Variants in DPP10 observed in about 807,000 individuals in gnomAD.
DPP10 encodes inactive dipeptidyl peptidase 10.
In DPP10, 33 loss-of-function variants were observed where a neutral mutation model predicts 120.9. That is an observed-to-expected ratio of 0.27 (90% CI 0.21 to 0.37). The LOEUF is 0.37. DPP10 is among the 10% of genes least tolerant of loss of function. The pLI is 1.00. For synonymous variants in DPP10, 337 were observed against 326.1 expected, an observed-to-expected ratio of 1.03 and a Z score of -0.36; for missense variants, 816 against 942.8, an observed-to-expected ratio of 0.87 and a Z score of 1.76.
intron 1 of DPP10, among the ~76,000 whole-genome samples, chr2:114,604,215 A>C (rs1449596180): frequency 6.6e-6 from 1 of 152,000 alleles, no homozygotes; most frequent in Non-Finnish European, 1.5e-5. Flanking sequence ...GGTTTGCATA[A>C]ACAGGCAAGG....
At chr2:115,381,425 TGTATTG>T (rs1176822192) in intron 3 of DPP10, among the ~76,000 whole-genome samples, 3 of 152,230 alleles carry the variant, frequency 2.0e-5, no homozygotes, top group Admixed American at 2.0e-4. Flanking sequence ...AGCACTTCTC[TGTATTG>T]GTTATTCTAG....
At chr2:114,661,729 G>A (rs1697419092) in intron 1 of DPP10, among the ~76,000 whole-genome samples, 2 of 152,132 alleles carry the variant, frequency 1.3e-5, no homozygotes, top group African/African-American at 4.8e-5. Context: ...CATTTATAAC[G>A]CACTGTAGAC....
Position 114,801,190 on chromosome 2 carries a change from G to A in DPP10, c.60+358352G>A, listed in dbSNP as rs528164033. ...AGGCAGGAGAATGGCGTGAACCCAG[G>A]AGGCAGAGATTGCGGTGAGCCGAGA... On this transcript the variant is annotated intron_variant, in intron 1 of 25. Transcript: ENST00000410059. Among the ~76,000 whole-genome samples, 211 of 150,306 alleles carry A rather than the reference G, an allele frequency of 1.4e-3. 1 individual carries two copies. Among genetic ancestry groups the A allele is most frequent in the Non-Finnish European group, 2.5e-3 (169 of 67,774 alleles).
At chr2:115,163,834 GAAGCA>G (rs1280175033) in intron 1 of DPP10, among the ~76,000 whole-genome samples, 1 of 151,936 alleles carries the variant, frequency 6.6e-6, no homozygotes, top group Non-Finnish European at 1.5e-5. Flanking sequence ...GTGGGATGCA[GAAGCA>G]GAGCAGAGCA....
rs559196286 is a variant in DPP10 at position 114,557,799 on chromosome 2, A to G, written c.60+114961A>G. Reference sequence around the variant, plus strand: ...AGTGTGGGTAATTTTCAAGTAATTGATGTATTTGGGGCTCATGTAGGCCAC... The same window carrying G: ...AGTGTGGGTAATTTTCAAGTAATTGGTGTATTTGGGGCTCATGTAGGCCAC... On this transcript the variant is annotated intron_variant, in intron 1 of 25. Coordinates refer to ENST00000410059, the MANE Select transcript of DPP10 (RefSeq NM_020868.6). Among the ~76,000 whole-genome samples, 22 of 152,314 alleles carry G rather than the reference A, an allele frequency of 1.4e-4. No individual in the cohort carries two copies. In the East Asian group the frequency reaches 4.1e-3, roughly 28 times the overall value.
At chr2:114,886,033 C>T (rs1692039558) in intron 1 of DPP10, among the ~76,000 whole-genome samples, 1 of 152,126 alleles carries the variant, frequency 6.6e-6, no homozygotes, top group African/African-American at 2.4e-5. Flanking sequence ...GTTTATGAGA[C>T]TGTTATTTCC....
chr2:114,512,095 T>TG (rs1215107096), intron 1 of DPP10, among the ~76,000 whole-genome samples: 6 of 152,198 alleles, frequency 3.9e-5, no homozygotes, highest in African/African-American at 1.2e-4. Flanking sequence ...TATTTTTATT[T>TG]GGGAAAAAGT....
At chr2:114,820,203 A>ACCTCCCCC (rs1685973969) in intron 1 of DPP10, among the ~76,000 whole-genome samples, 1 of 152,164 alleles carries the variant, frequency 6.6e-6, no homozygotes, top group South Asian at 2.1e-4. Context: ...CTCTGATGTA[A>ACCTCCCCC]CCTCAACAAC....
chr2:115,515,219 A>G (rs1323652789), intron 4 of DPP10, among the ~76,000 whole-genome samples: 2 of 96,206 alleles, frequency 2.1e-5, no homozygotes, highest in African/African-American at 6.2e-5. Flanking sequence ...TATTTCAAAT[A>G]TATATGTAGG....
At chr2:115,152,917 T>C (rs1186865657) in intron 1 of DPP10, among the ~76,000 whole-genome samples, 3 of 152,198 alleles carry the variant, frequency 2.0e-5, no homozygotes, top group Non-Finnish European at 4.4e-5. Flanking sequence ...AGACTTTGAT[T>C]ACTCATAGTA....
At chr2:114,964,600 C>T (rs972004737) in intron 1 of DPP10, among the ~76,000 whole-genome samples, 13 of 151,866 alleles carry the variant, frequency 8.6e-5, no homozygotes, top group African/African-American at 3.1e-4. Flanking sequence ...GAAGAGCAAT[C>T]GCAAAGGCCA....
intron 1 of DPP10, among the ~76,000 whole-genome samples, chr2:115,214,882 T>C (rs1395514956): frequency 6.6e-6 from 1 of 152,188 alleles, no homozygotes; most frequent in Non-Finnish European, 1.5e-5. Flanking sequence ...TCCACTCGAA[T>C]TGACAATGCC....
intron 24 of DPP10, among the ~76,000 whole-genome samples, chr2:115,839,885 A>T (rs1230152981): frequency 6.6e-6 from 1 of 152,088 alleles, no homozygotes; most frequent in Non-Finnish European, 1.5e-5. Context: ...GAAGGAAGAT[A>T]AAGCAAGAGT....
intron 1 of DPP10, among the ~76,000 whole-genome samples, chr2:114,808,252 A>G (rs986447329): frequency 1.3e-5 from 2 of 152,184 alleles, no homozygotes; most frequent in Non-Finnish European, 2.9e-5. Context: ...AATATACTAT[A>G]ATTTAATTAT....
intron 5 of DPP10, among the ~76,000 whole-genome samples, chr2:115,575,593 T>C (rs933186563): frequency 3.3e-5 from 5 of 152,162 alleles, no homozygotes; most frequent in Non-Finnish European, 5.9e-5. Context: ...AAGCAGAATT[T>C]CATACATCAC....
chr2:114,695,379 G>A (rs1700011605), intron 1 of DPP10, among the ~76,000 whole-genome samples: 1 of 152,040 alleles, frequency 6.6e-6, no homozygotes, highest in Non-Finnish European at 1.5e-5. Context: ...GAGCCATTGT[G>A]CCTAACACAG....
chr2:115,525,833 A>G, intron 4 of DPP10, 65 bp from the exon 5 acceptor site: 2 of 1,241,236 alleles, frequency 1.6e-6, no homozygotes, highest in Non-Finnish European at 2.2e-6. Flanking sequence ...TTTTTTTTAC[A>G]TTTATACATC....
chr2:115,409,961 A>G (rs1003295455), intron 3 of DPP10, among the ~76,000 whole-genome samples: 1 of 152,242 alleles, frequency 6.6e-6, no homozygotes, highest in Non-Finnish European at 1.5e-5. Context: ...GAGCTAATCT[A>G]TGAGGATACA....
At chr2:115,697,658 A>G (rs983139099) in intron 7 of DPP10, among the ~76,000 whole-genome samples, 4 of 152,094 alleles carry the variant, frequency 2.6e-5, no homozygotes, top group Non-Finnish European at 4.4e-5. Flanking sequence ...TAGAAAAACC[A>G]GAGAGAAGAT....
Sources: allele counts gnomAD v4.1 joint callset (sites outside exome capture counted in the v4.1 genomes callset), GRCh38; gene constraint gnomAD v4.1.1; transcripts MANE v1.5; gene names NCBI Gene and HGNC (gene_info 2026-07-23, HGNC 2026-07-21).